The following LNPK variants were observed in gnomAD, a reference collection of about 807,000 sequenced individuals.
LNPK encodes endoplasmic reticulum junction formation protein lunapark.
LNPK carries 29 observed loss-of-function variants against 55.2 expected under a neutral mutation model. The ratio of observed to expected loss-of-function variants is 0.53; its 90% CI spans 0.39 to 0.72. The LOEUF (loss-of-function observed/expected upper bound fraction) is 0.72. Ranked by LOEUF, LNPK falls within the 30% of genes least tolerant of loss-of-function variation. The probability of loss-of-function intolerance (pLI) is 0.00; values close to 1 mark genes in which losing one functional copy is unlikely to be tolerated. For synonymous variants in LNPK, 162 were observed against 168.2 expected (o/e 0.96, Z 0.29); for missense variants, 467 against 494.8 (o/e 0.94, Z 0.53).
chr2:175,969,135 C>T (rs1273257049), intron 6 of LNPK, among the ~76,000 whole-genome samples: 1 of 151,840 alleles, frequency 6.6e-6, no homozygotes, highest in East Asian at 1.9e-4. Context: ...TTATAACCAA[C>T]AATAATCAAG....
At chr2:175,987,584 TAATG>T (rs1026924460) in intron 4 of LNPK, among the ~76,000 whole-genome samples, 1 of 151,962 alleles carries the variant, frequency 6.6e-6, no homozygotes, top group Non-Finnish European at 1.5e-5. Context: ...AATGACGAGT[TAATG>T]GGTGCAGCAC....
chr2:175,979,267 T>C (rs1687056402), intron 5 of LNPK, among the ~76,000 whole-genome samples: 1 of 152,104 alleles, frequency 6.6e-6, no homozygotes, highest in Admixed American at 6.6e-5. Context: ...TATTTAAAAA[T>C]GTTTGTTTTG....
chr2:175,962,525 C>T (rs1686094355), intron 8 of LNPK, among the ~76,000 whole-genome samples: 1 of 152,178 alleles, frequency 6.6e-6, no homozygotes, highest in African/African-American at 2.4e-5. Context: ...AACTGCATCC[C>T]TTCCTTACAC....
At chr2:175,943,219 A>T (rs559864807) in intron 9 of LNPK, among the ~76,000 whole-genome samples, 14 of 151,542 alleles carry the variant, frequency 9.2e-5, no homozygotes, top group African/African-American at 2.7e-4. Context: ...TTAGTTAAAA[A>T]AAAAAAACAC....
intron 4 of LNPK, among the ~76,000 whole-genome samples, chr2:175,991,354 TA>T (rs1308803052): frequency 1.3e-5 from 2 of 152,010 alleles, no homozygotes; most frequent in African/African-American, 4.8e-5. Context: ...AAAATGAAAA[TA>T]AAGAAAGTAG....
rs1402310029 is a variant in LNPK at position 175,926,906 on chromosome 2, T to C, written c.*3061A>G. 2 of 152,174 alleles carry C rather than the reference T, an allele frequency of 1.3e-5. No individual in the cohort carries two copies. Among genetic ancestry groups the C allele is most frequent in the African/African-American group, 4.8e-5 (2 of 41,430 alleles). The allele number at this position is 152,174 out of a possible 1,614,324, so 9.4% of individuals were successfully genotyped here. On this transcript the variant is annotated 3_prime_UTR_variant, in exon 13 of 13. Coordinates refer to ENST00000272748, the MANE Select transcript of LNPK (RefSeq NM_030650.3). ...AAAGTATAGTGTTCATTCTTGAATA[T>C]ATGGATTGTGAGAGACAGGCCAGTA...
chr2:175,947,611 G>A lies in LNPK; in HGVS notation c.575C>T (p.Pro192Leu). ...SPNQGPPPQV[P>L]VSPGPPKDSS... ...GTCCTTTGGTGGTCCAGGAGATACT[G>A]GAACTTGTGGAGGAGGGCCCTGGTT... The change falls in exon 9 of 13, where the codon CCA becomes CTA. Residue 192 changes from proline (P) to leucine (L), a missense_variant. Pro to Leu is a moderately conservative substitution (Grantham distance 98, BLOSUM62 -3). Coordinates refer to ENST00000272748, the MANE Select transcript of LNPK (RefSeq NM_030650.3). 6.2e-7 allele frequency: 1 copy of A among 1,614,038 alleles called. No individual in the cohort carries two copies. Among genetic ancestry groups the A allele is most frequent in the Non-Finnish European group, 8.5e-7 (1 of 1,179,958 alleles).
At chr2:175,989,453 G>A (rs897632843) in intron 4 of LNPK, among the ~76,000 whole-genome samples, 2 of 151,972 alleles carry the variant, frequency 1.3e-5, no homozygotes, top group South Asian at 2.1e-4. Context: ...GTTATAATTC[G>A]TAAAAATAAG....
At chr2:176,002,443 C>T (rs1446109150), upstream of LNPK, 6 of 323,020 alleles carry the variant, frequency 1.9e-5, no homozygotes, top group Non-Finnish European at 3.6e-5. Context: ...CCAGCTTAGG[C>T]TGCTCGGTGT....
rs188045032 is a variant in LNPK at position 175,994,647 on chromosome 2, G to A, written c.27+911C>T. The stretch of plus-strand genomic sequence containing the variant: ...AAGCGATCCTGCCTCAGCCTCCCGC[G>A]TAGCTGGGATTGCAGGCGCCCACCA... On this transcript the variant is annotated intron_variant, in intron 2 of 12. Transcript: ENST00000272748. Among the ~76,000 whole-genome samples, 107 of 151,924 alleles carry A rather than the reference G, an allele frequency of 7.0e-4. 1 individual carries two copies. The highest frequency in any genetic ancestry group is 2.3e-3 in the African/African-American group (97 of 41,440).
chr2:175,934,112 C>A (rs1267392519), intron 12 of LNPK, among the ~76,000 whole-genome samples: 1 of 152,142 alleles, frequency 6.6e-6, no homozygotes, highest in African/African-American at 2.4e-5. Context: ...GCCAAAAGAT[C>A]TCTGTGTCTA....
intron 8 of LNPK, among the ~76,000 whole-genome samples, chr2:175,960,232 C>T (rs543541522): frequency 8.5e-5 from 13 of 152,302 alleles, no homozygotes; most frequent in South Asian, 6.2e-4. Context: ...ACAGAACTCT[C>T]CACCCCAAAT....
chr2:175,927,276 C>T lies in LNPK; in HGVS notation c.*2691G>A, dbSNP rs1320339109. ...ACAAAGTATTTATTCACACAATATG[C>T]ATCAAGCATTGTGCTAGACCCTTGA... On this transcript the variant is annotated 3_prime_UTR_variant, in exon 13 of 13. Transcript: ENST00000272748. 1 of 152,238 alleles carries T rather than the reference C, an allele frequency of 6.6e-6. No homozygotes were observed. Among genetic ancestry groups the T allele is most frequent in the Non-Finnish European group, 1.5e-5 (1 of 68,056 alleles). The allele number at this position is 152,238 out of a possible 1,614,324, so 9.4% of individuals were successfully genotyped here.
intron 12 of LNPK, among the ~76,000 whole-genome samples, chr2:175,934,739 G>A (rs1337489378): frequency 1.3e-5 from 2 of 151,194 alleles, no homozygotes; most frequent in East Asian, 3.9e-4. Flanking sequence ...AAAAGAAACT[G>A]AGGAACCTAA....
chr2:175,980,738 C>T (rs952911217), intron 4 of LNPK, among the ~76,000 whole-genome samples: 15 of 152,148 alleles, frequency 9.9e-5, no homozygotes, highest in African/African-American at 3.6e-4. Flanking sequence ...GAAACCCCAT[C>T]TCTACTGAAC....
intron 6 of LNPK, among the ~76,000 whole-genome samples, chr2:175,970,364 T>C (rs998419304): frequency 2.0e-5 from 3 of 152,126 alleles, no homozygotes; most frequent in African/African-American, 7.2e-5. Flanking sequence ...ATTGCTCTCT[T>C]ACAACCGATC....
chr2:175,939,677 A>T lies in LNPK; in HGVS notation c.707-20T>A. On this transcript the variant is annotated intron_variant, in intron 9 of 12. Transcript: ENST00000272748. ...GAAGACCTATTAAATAAATAAATAC[A>T]TACAAAATTTATATACATGAAATAC... 8.1e-7 allele frequency: 1 copy of T among 1,231,918 alleles called. No homozygotes were observed. The highest frequency in any genetic ancestry group is 2.0e-5 in the Admixed American group (1 of 51,054). The allele number at this position is 1,231,918 out of a possible 1,614,324, so 76.3% of individuals were successfully genotyped here. A position where few individuals can be genotyped will look rare whatever the true frequency, so the allele number is the denominator to read the frequency against.
chr2:175,940,883 A>G (rs1015862576), intron 9 of LNPK: 1 of 389,358 alleles, frequency 2.6e-6, no homozygotes, highest in Non-Finnish European at 5.0e-6. Flanking sequence ...AAATCCACAG[A>G]TTATGTGTAC....
chr2:175,993,253 AT>A, intron 2 of LNPK, 30 bp from the exon 3 acceptor site: 1 of 1,386,930 alleles, frequency 7.2e-7, no homozygotes, highest in Non-Finnish European at 9.8e-7. Context: ...AAGAGACAGC[AT>A]TAAAACTTAT....
Sources: gnomAD v4.1 joint callset for allele counts (sites outside exome capture counted in the v4.1 genomes callset) on GRCh38, gnomAD v4.1.1 for gene constraint, MANE v1.5 for transcripts, NCBI Gene and HGNC (gene_info 2026-07-23, HGNC 2026-07-21) for gene names.